The following EPHA7 variants were observed in gnomAD, a reference collection of about 807,000 sequenced individuals.
EPHA7 encodes the protein ephrin type-A receptor 7.
EPHA7 carries 25 observed loss-of-function variants against 112.6 expected under a neutral mutation model. The observed-to-expected ratio is 0.22, with a 90% CI of 0.16 to 0.31. The LOEUF (loss-of-function observed/expected upper bound fraction) is 0.31, where lower values mean the gene tolerates loss of function less well. Among genes scored for constraint, EPHA7 ranks in the 10% least tolerant of loss-of-function variants. The pLI is 1.00. For synonymous variants in EPHA7, 437 were observed against 406.5 expected, an observed-to-expected ratio of 1.07 and a Z score of -0.90; for missense variants, 962 against 1,212.6, an observed-to-expected ratio of 0.79 and a Z score of 3.07.
intron 5 of EPHA7, among the ~76,000 whole-genome samples, chr6:93,328,216 C>A (rs1317873778): frequency 6.6e-6 from 1 of 151,478 alleles, no homozygotes; most frequent in Non-Finnish European, 1.5e-5. Flanking sequence ...AAACTGTAAT[C>A]CCTTGACACT....
chr6:93,388,774 T>C (rs1777758232), intron 3 of EPHA7, among the ~76,000 whole-genome samples: 1 of 152,080 alleles, frequency 6.6e-6, no homozygotes, highest in Non-Finnish European at 1.5e-5. Flanking sequence ...GGATATTTAT[T>C]CAGTGTCATT....
intron 5 of EPHA7, among the ~76,000 whole-genome samples, chr6:93,303,375 A>G (rs1191218341): frequency 1.3e-5 from 2 of 152,104 alleles, no homozygotes; most frequent in Non-Finnish European, 1.5e-5. Flanking sequence ...CTCGTTCCAG[A>G]AGAGTCTAAG....
chr6:93,328,586 A>G (rs577176504), intron 5 of EPHA7, among the ~76,000 whole-genome samples: 1 of 151,500 alleles, frequency 6.6e-6, no homozygotes, highest in East Asian at 1.9e-4. Context: ...CCTCACCCAA[A>G]ATAGAGGTAA....
At chr6:93,308,425 C>T (rs908460496) in intron 5 of EPHA7, among the ~76,000 whole-genome samples, 2 of 151,894 alleles carry the variant, frequency 1.3e-5, no homozygotes, top group Non-Finnish European at 2.9e-5. Flanking sequence ...GATCTAAAAG[C>T]CATTAGGAAT....
At chr6:93,264,981 A>C (rs1166972227) in intron 7 of EPHA7, among the ~76,000 whole-genome samples, 3 of 151,686 alleles carry the variant, frequency 2.0e-5, no homozygotes, top group African/African-American at 7.2e-5. Flanking sequence ...GCTTAGTTAT[A>C]AATCAAGAGA....
chr6:93,276,364 C>T (rs930157040), intron 5 of EPHA7, among the ~76,000 whole-genome samples: 2 of 151,922 alleles, frequency 1.3e-5, no homozygotes, highest in Admixed American at 1.3e-4. Flanking sequence ...CCCTGATTGA[C>T]CAGTACAGAA....
chr6:93,277,888 A>G (rs1038373361), intron 5 of EPHA7, among the ~76,000 whole-genome samples: 3 of 151,924 alleles, frequency 2.0e-5, no homozygotes, highest in Non-Finnish European at 2.9e-5. Context: ...AAAGTAGGAA[A>G]ATAAAAGCAT....
At chr6:93,354,924 C>T (rs1582581459) in intron 5 of EPHA7, among the ~76,000 whole-genome samples, 1 of 152,084 alleles carries the variant, frequency 6.6e-6, no homozygotes, top group African/African-American at 2.4e-5. Flanking sequence ...TTGATATTAG[C>T]AGGAATAAAA....
At chr6:93,330,068 A>G (rs1188905177) in intron 5 of EPHA7, among the ~76,000 whole-genome samples, 1 of 151,458 alleles carries the variant, frequency 6.6e-6, no homozygotes, top group African/African-American at 2.4e-5. Flanking sequence ...ATTTGAAATA[A>G]TTCTTGTTAT....
intron 16 of EPHA7, 84 bp downstream of exon 16, chr6:93,245,214 T>C (rs957403184): frequency 1.4e-5 from 18 of 1,264,254 alleles, no homozygotes; most frequent in Non-Finnish European, 2.0e-5. Flanking sequence ...CAAATTCTTT[T>C]AATATAAAGA....
intron 5 of EPHA7, among the ~76,000 whole-genome samples, chr6:93,344,247 A>C (rs1023946442): frequency 6.6e-6 from 1 of 151,606 alleles, no homozygotes; most frequent in African/African-American, 2.4e-5. Context: ...ATAAATGCAT[A>C]GTTTATCTTT....
At chr6:93,311,885 T>C (rs536616631) in intron 5 of EPHA7, among the ~76,000 whole-genome samples, 1 of 152,172 alleles carries the variant, frequency 6.6e-6, no homozygotes, top group Non-Finnish European at 1.5e-5. Flanking sequence ...ACAATAATAT[T>C]AATCTCCTGT....
At chr6:93,305,739 T>C (rs1773223277) in intron 5 of EPHA7, among the ~76,000 whole-genome samples, 1 of 151,936 alleles carries the variant, frequency 6.6e-6, no homozygotes, top group African/African-American at 2.4e-5. Context: ...CCTACGGGAA[T>C]AGATTTTTTT....
intron 5 of EPHA7, among the ~76,000 whole-genome samples, chr6:93,343,196 C>A (rs999521004): frequency 6.6e-6 from 1 of 151,564 alleles, no homozygotes; most frequent in Admixed American, 6.6e-5. Context: ...ATCTATCTGT[C>A]CCAGGATCAC....
At chr6:93,319,846 C>A (rs530005860) in intron 5 of EPHA7, among the ~76,000 whole-genome samples, 2 of 152,052 alleles carry the variant, frequency 1.3e-5, no homozygotes, top group South Asian at 4.2e-4. Flanking sequence ...AAATATTATA[C>A]CCTTTATTTA....
At chr6:93,250,540 A>G (rs2127850520) in intron 14 of EPHA7, among the ~76,000 whole-genome samples, 1 of 152,236 alleles carries the variant, frequency 6.6e-6, no homozygotes, top group East Asian at 1.9e-4. Context: ...TGTTAGTAGA[A>G]AAGACAGAAT....
chr6:93,403,936 T>G (rs1778560070), intron 3 of EPHA7, among the ~76,000 whole-genome samples: 1 of 152,078 alleles, frequency 6.6e-6, no homozygotes, highest in Non-Finnish European at 1.5e-5. Flanking sequence ...TTGTTAATTT[T>G]TTTCTTTTTA....
intron 5 of EPHA7, among the ~76,000 whole-genome samples, chr6:93,308,729 C>T (rs961256495): frequency 6.6e-6 from 1 of 151,520 alleles, no homozygotes; most frequent in Non-Finnish European, 1.5e-5. Flanking sequence ...AATATACTAA[C>T]ATACTAAGTG....
At chr6:93,283,920 A>C (rs948179376) in intron 5 of EPHA7, among the ~76,000 whole-genome samples, 10 of 152,212 alleles carry the variant, frequency 6.6e-5, no homozygotes. Flanking sequence ...TACAATTTAA[A>C]GTTTTGGAAA....
Sources: allele counts gnomAD v4.1 joint callset (sites outside exome capture counted in the v4.1 genomes callset), GRCh38; gene constraint gnomAD v4.1.1; transcripts MANE v1.5; gene names NCBI Gene and HGNC (gene_info 2026-07-23, HGNC 2026-07-21).